The following SHB variants were observed in gnomAD, a reference collection of about 807,000 sequenced individuals.
SHB encodes SH2 domain-containing adapter protein B.
In SHB, 20 loss-of-function variants were observed where a neutral mutation model predicts 52.3. That is an observed-to-expected ratio of 0.38 (90% CI 0.27 to 0.56). The LOEUF is 0.56. Ranked by LOEUF, SHB falls within the 20% of genes least tolerant of loss-of-function variation. The pLI is 0.71. For synonymous variants in SHB, 397 were observed against 316.5 expected (o/e 1.25, Z -2.70); for missense variants, 825 against 723.3 (o/e 1.14, Z -1.61).
intron 3 of SHB, among the ~76,000 whole-genome samples, chr9:37,961,121 C>T (rs1050204079): frequency 2.6e-5 from 4 of 152,210 alleles, no homozygotes; most frequent in African/African-American, 7.2e-5. Flanking sequence ...ACAAAGCTTA[C>T]CCTGATGCCA....
chr9:37,938,365 C>A (rs1290617787), intron 5 of SHB, among the ~76,000 whole-genome samples: 5 of 152,244 alleles, frequency 3.3e-5, no homozygotes, highest in Non-Finnish European at 7.3e-5. Flanking sequence ...TGCAGCTGTC[C>A]TCGTGGCCTT....
At chr9:37,942,834 C>T (rs1587202981) in intron 5 of SHB, among the ~76,000 whole-genome samples, 1 of 152,092 alleles carries the variant, frequency 6.6e-6, no homozygotes, top group South Asian at 2.1e-4. Context: ...TGGACTCCTA[C>T]ATCAGGCCCC....
chr9:37,937,005 C>T (rs1039391472), intron 5 of SHB, among the ~76,000 whole-genome samples: 1 of 152,368 alleles, frequency 6.6e-6, no homozygotes, highest in Non-Finnish European at 1.5e-5. Flanking sequence ...ATCTTAACAT[C>T]TGAAGTCCTC....
intron 1 of SHB, among the ~76,000 whole-genome samples, chr9:38,060,989 CA>C (rs1821884546): frequency 6.6e-6 from 1 of 152,200 alleles, no homozygotes; most frequent in Non-Finnish European, 1.5e-5. Flanking sequence ...CAGCACAGGC[CA>C]AATGAAAGCT....
chr9:38,003,395 G>C (rs765046049), intron 2 of SHB, among the ~76,000 whole-genome samples: 1 of 151,912 alleles, frequency 6.6e-6, no homozygotes, highest in Non-Finnish European at 1.5e-5. Context: ...TTCCCACCCA[G>C]TCCTAACCAA....
intron 2 of SHB, among the ~76,000 whole-genome samples, chr9:37,998,428 C>A (rs1820975532): frequency 6.6e-6 from 1 of 152,170 alleles, no homozygotes; most frequent in African/African-American, 2.4e-5. Flanking sequence ...CAGGAAAGCA[C>A]ATGTTCTGAT....
At chr9:37,922,695 A>G (rs1832197828) in intron 5 of SHB, among the ~76,000 whole-genome samples, 1 of 152,116 alleles carries the variant, frequency 6.6e-6, no homozygotes, top group African/African-American at 2.4e-5. Flanking sequence ...CTGTGGCCTG[A>G]CCATTCTCAG....
chr9:37,939,715 G>T (rs1832414844), intron 5 of SHB, among the ~76,000 whole-genome samples: 1 of 152,216 alleles, frequency 6.6e-6, no homozygotes, highest in Non-Finnish European at 1.5e-5. Context: ...TATTCCGAGA[G>T]ACCCCACAAG....
At chr9:37,955,164 TA>T (rs1404446896) in intron 4 of SHB, among the ~76,000 whole-genome samples, 3 of 152,228 alleles carry the variant, frequency 2.0e-5, no homozygotes, top group African/African-American at 7.2e-5. Context: ...GGAAAGGATT[TA>T]GTTTATATTT....
rs766680506 is a variant in SHB at position 38,068,523 on chromosome 9, G to T, written c.123C>A (p.Pro41=). 3.4e-6 allele frequency: 5 copies of T among 1,463,666 alleles called. No homozygotes were observed. The highest frequency in any genetic ancestry group is 5.3e-5 in the Admixed American group (2 of 37,518). The allele number at this position is 1,463,666 out of a possible 1,614,324, so 90.7% of individuals were successfully genotyped here. ...RRRGERPSQP[P]QAVPQASSAA... ...CGGAGGAGGCCTGCGGCACGGCCTG[G>T]GGGGGCTGCGAAGGCCGCTCGCCTC... is the stretch of plus-strand genomic sequence containing the variant. Residue 41 remains proline, a synonymous_variant, in exon 1 of 6, where the codon CCC becomes CCA. Coordinates refer to ENST00000377707, the MANE Select transcript of SHB (RefSeq NM_003028.3).
At chr9:38,008,897 G>A (rs1446324308) in intron 2 of SHB, among the ~76,000 whole-genome samples, 2 of 151,966 alleles carry the variant, frequency 1.3e-5, no homozygotes, top group South Asian at 2.1e-4. Context: ...GGAGGCAAGT[G>A]TGTGGACATC....
chr9:38,047,712 A>G (rs1051817478), intron 1 of SHB, among the ~76,000 whole-genome samples: 8 of 152,258 alleles, frequency 5.3e-5, no homozygotes, highest in African/African-American at 1.9e-4. Context: ...CCATCTTTAC[A>G]GGTCAGGAAT....
intron 1 of SHB, among the ~76,000 whole-genome samples, chr9:38,046,020 A>T (rs568138094): frequency 1.2e-4 from 18 of 152,208 alleles, no homozygotes; most frequent in South Asian, 6.2e-4. Context: ...TGAGGTCAGG[A>T]GTTCAAGACC....
intron 5 of SHB, among the ~76,000 whole-genome samples, chr9:37,928,789 G>C (rs1402098925): frequency 1.3e-5 from 2 of 152,340 alleles, no homozygotes; most frequent in South Asian, 4.1e-4. Context: ...ACACAGAGCG[G>C]AATCTGCCAA....
chr9:37,922,370 C>T (rs1254383951), intron 5 of SHB, among the ~76,000 whole-genome samples: 1 of 152,236 alleles, frequency 6.6e-6, no homozygotes, highest in Non-Finnish European at 1.5e-5. Flanking sequence ...AAGCTAAGCT[C>T]CTCTGTTCCC....
intron 3 of SHB, among the ~76,000 whole-genome samples, chr9:37,960,254 G>A (rs909131396): frequency 1.3e-5 from 2 of 152,182 alleles, no homozygotes; most frequent in African/African-American, 2.4e-5. Context: ...AAACACAACT[G>A]CTCTCATTCC....
chr9:37,985,454 T>C (rs972539538), intron 2 of SHB, among the ~76,000 whole-genome samples: 4 of 152,264 alleles, frequency 2.6e-5, no homozygotes, highest in Non-Finnish European at 5.9e-5. Context: ...AGCCCTACCA[T>C]CACTCTGCAT....
At chr9:37,970,909 C>T (rs966088258) in intron 3 of SHB, among the ~76,000 whole-genome samples, 2 of 152,010 alleles carry the variant, frequency 1.3e-5, no homozygotes, top group Admixed American at 1.3e-4. Flanking sequence ...AAGCACTGAC[C>T]CCATTCCCCG....
intron 5 of SHB, among the ~76,000 whole-genome samples, chr9:37,930,723 T>G (rs1769234613): frequency 6.6e-6 from 1 of 152,246 alleles, no homozygotes. Context: ...AATGTCATTC[T>G]TCACAGCAAA....
Sources: allele counts gnomAD v4.1 joint callset (sites outside exome capture counted in the v4.1 genomes callset), GRCh38; gene constraint gnomAD v4.1.1; transcripts MANE v1.5; gene names NCBI Gene and HGNC (gene_info 2026-07-23, HGNC 2026-07-21).